Variants in CADM2 observed in about 807,000 individuals in gnomAD.
CADM2 encodes the protein cell adhesion molecule 2.
In CADM2, 12 loss-of-function variants were observed where a neutral mutation model predicts 49.8. That is an observed-to-expected ratio of 0.24 (90% CI 0.15 to 0.39). The LOEUF (loss-of-function observed/expected upper bound fraction) is 0.39. Ranked by LOEUF, CADM2 falls within the 10% of genes least tolerant of loss-of-function variation. CADM2 has a pLI of 1.00. For synonymous variants in CADM2, 214 were observed against 175.4 expected, an observed-to-expected ratio of 1.22 and a Z score of -1.74; for missense variants, 378 against 492.3, an observed-to-expected ratio of 0.77 and a Z score of 2.20.
chr3:85,070,518 T>A (rs563740554), intron 1 of CADM2, among the ~76,000 whole-genome samples: 1 of 152,156 alleles, frequency 6.6e-6, no homozygotes, highest in South Asian at 2.1e-4. Flanking sequence ...TTTTTAAGAG[T>A]TTCAGTTTTC....
intron 1 of CADM2, among the ~76,000 whole-genome samples, chr3:85,253,190 C>T (rs1159980937): frequency 1.3e-5 from 2 of 152,064 alleles, no homozygotes; most frequent in Non-Finnish European, 2.9e-5. Flanking sequence ...CACAGCAATA[C>T]ATAACTGCAC....
In CADM2 at chr3:85,295,046, C is replaced by A. The variant is rs558714135; in HGVS notation, c.61+335378C>A. On this transcript the variant is annotated intron_variant, in intron 1 of 9. Transcript: ENST00000383699. ...AAATTTTCACAACCTACTCATCTGA[C>A]AAAGGGCTGATATCCAGAATCTACA... Among the ~76,000 whole-genome samples the A allele has an allele frequency of 8.1e-4, 124 of 152,178 alleles. 1 individual carries two copies. In the Middle Eastern group the frequency reaches 0.024, roughly 29 times the overall value.
chr3:85,614,051 A>C (rs2063740234), intron 1 of CADM2, among the ~76,000 whole-genome samples: 1 of 151,686 alleles, frequency 6.6e-6, no homozygotes. Flanking sequence ...TTTGTTGCAA[A>C]ATTATTTATA....
intron 1 of CADM2, among the ~76,000 whole-genome samples, chr3:84,973,658 T>A (rs1393146634): frequency 1.3e-5 from 2 of 152,138 alleles, no homozygotes; most frequent in Non-Finnish European, 2.9e-5. Context: ...ATTTAGTTTT[T>A]TTAGACCTAG....
intron 5 of CADM2, among the ~76,000 whole-genome samples, chr3:85,891,559 G>T (rs1033712031): frequency 6.6e-6 from 1 of 152,206 alleles, no homozygotes; most frequent in Non-Finnish European, 1.5e-5. Context: ...TCATCAAAGG[G>T]TGATTATCAA....
chr3:85,687,197 C>T (rs936097169), intron 1 of CADM2, among the ~76,000 whole-genome samples: 3 of 152,152 alleles, frequency 2.0e-5, no homozygotes, highest in South Asian at 2.1e-4. Context: ...CTGACAATTA[C>T]ATTTAATAGT....
chr3:85,216,565 C>A lies in CADM2; in HGVS notation c.61+256897C>A, dbSNP rs2041934590. On this transcript the variant is annotated intron_variant, in intron 1 of 9. Transcript: ENST00000383699. The stretch of plus-strand genomic sequence containing the variant: ...AGCCACATCTTTTGATACAATAAAG[C>A]TGCTTTTTCAGACTGACAGAAAACT... 2.0e-5 allele frequency among the ~76,000 whole-genome samples: 3 copies of A among 151,886 alleles called. 1 individual carries two copies. The highest frequency in any genetic ancestry group is 2.0e-4 in the Admixed American group (3 of 15,246).
At chr3:85,409,466 G>T (rs534938650) in intron 1 of CADM2, among the ~76,000 whole-genome samples, 1 of 152,158 alleles carries the variant, frequency 6.6e-6, no homozygotes, top group South Asian at 2.1e-4. Context: ...GTTGACTAAG[G>T]GTAAAAATGC....
At chr3:85,471,891 A>G (rs937555192) in intron 1 of CADM2, among the ~76,000 whole-genome samples, 1 of 151,680 alleles carries the variant, frequency 6.6e-6, no homozygotes, top group Non-Finnish European at 1.5e-5. Flanking sequence ...TCTCAATTCT[A>G]ATAAAACCAG....
intron 1 of CADM2, among the ~76,000 whole-genome samples, chr3:85,633,123 A>T (rs9819476): frequency 2.0e-5 from 3 of 151,946 alleles, no homozygotes; most frequent in African/African-American, 7.2e-5. Flanking sequence ...CAATAAAAGC[A>T]GTGTACTGAG....
At chr3:85,975,604 C>T (rs1726679760) in intron 8 of CADM2, among the ~76,000 whole-genome samples, 1 of 151,560 alleles carries the variant, frequency 6.6e-6, no homozygotes, top group Non-Finnish European at 1.5e-5. Flanking sequence ...TATAACTTAA[C>T]ATCTAAAAAT....
chr3:85,448,302 C>T (rs1266098285), intron 1 of CADM2, among the ~76,000 whole-genome samples: 4 of 143,638 alleles, frequency 2.8e-5, no homozygotes, highest in South Asian at 2.2e-4. Context: ...CACTGCACTC[C>T]AGCCTGGGCG....
intron 1 of CADM2, among the ~76,000 whole-genome samples, chr3:84,972,049 AT>A (rs1417276441): frequency 3.3e-5 from 5 of 152,084 alleles, no homozygotes; most frequent in Non-Finnish European, 4.4e-5. Flanking sequence ...TAAAACTTTG[AT>A]TTTGGAAGTG....
At chr3:84,975,959 G>A (rs1022127981) in intron 1 of CADM2, among the ~76,000 whole-genome samples, 6 of 151,842 alleles carry the variant, frequency 4.0e-5, no homozygotes, top group Non-Finnish European at 7.4e-5. Flanking sequence ...AACTGGGATT[G>A]TTTATTCACA....
intron 2 of CADM2, among the ~76,000 whole-genome samples, chr3:85,736,598 G>A (rs1248960387): frequency 6.6e-6 from 1 of 152,154 alleles, no homozygotes; most frequent in East Asian, 1.9e-4. Flanking sequence ...AGCCCATGCA[G>A]TGCCTTGATA....
Position 85,221,297 on chromosome 3 carries a change from C to G in CADM2, c.61+261629C>G, listed in dbSNP as rs377513649. 6.8e-4 allele frequency among the ~76,000 whole-genome samples: 103 copies of G among 152,136 alleles called. No individual in the cohort carries two copies. In the East Asian group the frequency reaches 7.4e-3, roughly 11 times the overall value. ...ATAGCTCTGTAAGACTATCCTGAAA[C>G]AGGATAGAATGAGGAGGAAAAAAAT... On this transcript the variant is annotated intron_variant, in intron 1 of 9. Transcript: ENST00000383699.
chr3:85,751,183 A>T (rs552857293), intron 2 of CADM2, among the ~76,000 whole-genome samples: 2 of 152,212 alleles, frequency 1.3e-5, no homozygotes, highest in Non-Finnish European at 2.9e-5. Flanking sequence ...GTGATAGAAA[A>T]GAACCTAAGA....
At chr3:85,144,326 T>C (rs1008513723) in intron 1 of CADM2, among the ~76,000 whole-genome samples, 4 of 151,574 alleles carry the variant, frequency 2.6e-5, no homozygotes, top group African/African-American at 9.7e-5. Context: ...AGAACAAGAT[T>C]TGTGCTGGGC....
chr3:85,060,644 G>A (rs1044236193), intron 1 of CADM2, among the ~76,000 whole-genome samples: 5 of 151,968 alleles, frequency 3.3e-5, no homozygotes, highest in Non-Finnish European at 7.4e-5. Context: ...TCAAGCCAAG[G>A]ATACAGACAC....
Sources: gnomAD v4.1 joint callset for allele counts (sites outside exome capture counted in the v4.1 genomes callset) on GRCh38, gnomAD v4.1.1 for gene constraint, MANE v1.5 for transcripts, NCBI Gene and HGNC (gene_info 2026-07-23, HGNC 2026-07-21) for gene names.